The following PPIP5K2 variants were observed in gnomAD, a reference collection of about 807,000 sequenced individuals.
PPIP5K2 encodes the protein inositol hexakisphosphate and diphosphoinositol-pentakisphosphate kinase 2.
A neutral mutation model predicts 154.6 loss-of-function variants in PPIP5K2; 105 were observed. That is an observed-to-expected ratio of 0.68 (90% CI 0.58 to 0.80). The LOEUF (loss-of-function observed/expected upper bound fraction) is 0.80, where lower values mean the gene tolerates loss of function less well. PPIP5K2 is among the 30% of genes least tolerant of loss of function. PPIP5K2 has a pLI of 0.00. For missense variants in PPIP5K2, 992 were observed against 1,504.6 expected (o/e 0.66, Z 5.64); for synonymous variants, 480 against 490.3 (o/e 0.98, Z 0.28).
At chr5:103,174,904 G>T (rs1342822776) in intron 21 of PPIP5K2, among the ~76,000 whole-genome samples, 1 of 151,986 alleles carries the variant, frequency 6.6e-6, no homozygotes, top group Non-Finnish European at 1.5e-5. Flanking sequence ...ACAGTAATTT[G>T]TATTCTTCCC....
intron 17 of PPIP5K2, among the ~76,000 whole-genome samples, chr5:103,163,802 C>A (rs1796721098): frequency 6.6e-6 from 1 of 151,826 alleles, no homozygotes. Flanking sequence ...TCTAGAATAT[C>A]CTCAGCTTTT....
rs782229943 is a variant in PPIP5K2 at position 103,206,070 on chromosome 5, CT to C, written c.*4439del. 2 of 151,986 alleles carry C rather than the reference CT, an allele frequency of 1.3e-5. No homozygotes were observed. The highest frequency in any genetic ancestry group is 4.8e-5 in the African/African-American group (2 of 41,394). 9.4% of individuals were successfully genotyped at this position (151,986 alleles called of 1,614,324 possible). Reference sequence around the variant, plus strand: ...TTTTATTGCTTTAAAATTCTTTTGTCTTTCTGTAACAATACTTTCCACTGCA... The same window carrying C: ...TTTTATTGCTTTAAAATTCTTTTGTCTTCTGTAACAATACTTTCCACTGCA... On this transcript the variant is annotated 3_prime_UTR_variant, in exon 31 of 31. Coordinates refer to ENST00000358359, the MANE Select transcript of PPIP5K2 (RefSeq NM_001276277.3).
At chr5:103,156,049 ACT>A in intron 14 of PPIP5K2, 55 bp downstream of exon 14, 1 of 1,175,110 alleles carries the variant, frequency 8.5e-7, no homozygotes, top group South Asian at 1.3e-5. Context: ...CTTGTTATTC[ACT>A]GTTGATTACC....
chr5:103,184,524 G>T lies in PPIP5K2; in HGVS notation c.3097-148G>T, dbSNP rs1178034927. 5.2e-6 allele frequency: 3 copies of T among 582,002 alleles called. No homozygotes were observed. The African/African-American group carries it at 5.7e-5, about 11-fold the overall frequency. 36.1% of individuals were successfully genotyped at this position (582,002 alleles called of 1,614,324 possible). A position where few individuals can be genotyped will look rare whatever the true frequency, so the allele number is the denominator to read the frequency against. ...TGGACTCCCTTCAAAAGGGGATCTT[G>T]CATGATCTTTCATGTTTTATGTATT... On this transcript the variant is annotated intron_variant, in intron 25 of 30. Transcript: ENST00000358359.
At chr5:103,148,373 C>T (rs1794077930) in intron 7 of PPIP5K2, 1 of 256,026 alleles carries the variant, frequency 3.9e-6, no homozygotes, top group Non-Finnish European at 7.7e-6. Flanking sequence ...GTCTAATAAC[C>T]ACCACAGTTT....
intron 8 of PPIP5K2, among the ~76,000 whole-genome samples, chr5:103,149,991 G>T (rs1414743345): frequency 6.6e-6 from 1 of 151,546 alleles, no homozygotes; most frequent in Admixed American, 6.6e-5. Flanking sequence ...CACTGCACCC[G>T]GCCAAAACCA....
At chr5:103,151,674 A>G (rs1355506923) in intron 9 of PPIP5K2, among the ~76,000 whole-genome samples, 3 of 151,412 alleles carry the variant, frequency 2.0e-5, no homozygotes, top group African/African-American at 4.8e-5. Flanking sequence ...AATTTTTGCC[A>G]TGTAGTTATA....
In PPIP5K2 at chr5:103,120,381, C is replaced by A; in HGVS notation, c.-392C>A. 1 of 456,534 alleles carries A rather than the reference C, an allele frequency of 2.2e-6. No homozygotes were observed. Among genetic ancestry groups the A allele is most frequent in the Non-Finnish European group, 4.4e-6 (1 of 226,822 alleles). The allele number at this position is 456,534 out of a possible 1,614,324, so 28.3% of individuals were successfully genotyped here. A position where few individuals can be genotyped will look rare whatever the true frequency, so the allele number is the denominator to read the frequency against. On this transcript the variant is annotated 5_prime_UTR_variant, in exon 1 of 31. Coordinates refer to ENST00000358359, the MANE Select transcript of PPIP5K2 (RefSeq NM_001276277.3). ...CTACGTCCACGCCTACAACTGAAGT[C>A]TCTTGACAAACACCTCACCCCTGCC...
At chr5:103,153,000 T>C (rs782538478) in intron 10 of PPIP5K2, among the ~76,000 whole-genome samples, 1 of 151,842 alleles carries the variant, frequency 6.6e-6, no homozygotes, top group Non-Finnish European at 1.5e-5. Context: ...AAGGTACCAA[T>C]AGGAATGTTA....
chr5:103,155,494 C>T (rs1795287119), intron 13 of PPIP5K2, among the ~76,000 whole-genome samples: 2 of 120,552 alleles, frequency 1.7e-5, no homozygotes, highest in African/African-American at 6.0e-5. Flanking sequence ...GGTGTGATCT[C>T]AGCTCACTGC....
chr5:103,134,149 T>C (rs1236538560), intron 3 of PPIP5K2, among the ~76,000 whole-genome samples: 1 of 152,146 alleles, frequency 6.6e-6, no homozygotes, highest in Non-Finnish European at 1.5e-5. Flanking sequence ...TAGAACAAGA[T>C]CTATCATTTT....
At chr5:103,178,036 G>A (rs566349369) in intron 23 of PPIP5K2, 56 bp downstream of exon 23, 1 of 1,081,470 alleles carries the variant, frequency 9.2e-7, no homozygotes, top group Non-Finnish European at 1.4e-6. Context: ...TTTTCATGAG[G>A]TTTCTATAAG....
At chr5:103,188,883 CGCACATACAAAT>C (rs1483481815) in intron 28 of PPIP5K2, 2 of 290,170 alleles carry the variant, frequency 6.9e-6, no homozygotes, top group African/African-American at 4.3e-5. Context: ...GTGGGTTTTC[CGCACATACAAAT>C]GCACATAAGG....
intron 3 of PPIP5K2, among the ~76,000 whole-genome samples, chr5:103,135,071 G>A (rs1791246420): frequency 6.6e-6 from 1 of 152,042 alleles, no homozygotes; most frequent in African/African-American, 2.4e-5. Flanking sequence ...GTATTCCATA[G>A]TTGAATACTA....
chr5:103,180,207 A>G lies in PPIP5K2; in HGVS notation c.2922+19A>G, dbSNP rs1240047602. On this transcript the variant is annotated intron_variant, in intron 24 of 30. Coordinates refer to ENST00000358359, the MANE Select transcript of PPIP5K2 (RefSeq NM_001276277.3). ...AAATGATGTAAGTATATGTATCAGA[A>G]CACATTTTTCATACAGTAAACTAAC... 21 of 1,534,528 alleles carry G rather than the reference A, an allele frequency of 1.4e-5. No individual in the cohort carries two copies. Among genetic ancestry groups the G allele is most frequent in the Non-Finnish European group, 1.8e-5 (21 of 1,145,692 alleles).
At position 103,202,804 on chromosome 5, in the gene PPIP5K2, A is replaced by G. The variant is rs782045204; in HGVS notation, c.*1170A>G. 6.6e-6 allele frequency: 1 copy of G among 152,154 alleles called. No homozygotes were observed. Among genetic ancestry groups the G allele is most frequent in the Non-Finnish European group, 1.5e-5 (1 of 67,998 alleles). The allele number at this position is 152,154 out of a possible 1,614,324, so 9.4% of individuals were successfully genotyped here. ...AATGGGACAATCTGATAAGAATTTC[A>G]TGCATTGGTAGTTAAATAACTTAAA... On this transcript the variant is annotated 3_prime_UTR_variant, in exon 31 of 31. Coordinates refer to ENST00000358359, the MANE Select transcript of PPIP5K2 (RefSeq NM_001276277.3).
chr5:103,211,031 G>A lies in PPIP5K2; in HGVS notation c.*9397G>A, dbSNP rs1402616647. Reference sequence around the variant, plus strand: ...GATGGCCGTGAGTGGAAATCTGAGTGTATAGGATGTGTTTCGTGTTCCCAC... The same window carrying A: ...GATGGCCGTGAGTGGAAATCTGAGTATATAGGATGTGTTTCGTGTTCCCAC... On this transcript the variant is annotated 3_prime_UTR_variant, in exon 31 of 31. Coordinates refer to ENST00000358359, the MANE Select transcript of PPIP5K2 (RefSeq NM_001276277.3). 1 of 152,086 alleles carries A rather than the reference G, an allele frequency of 6.6e-6. No homozygotes were observed. Among genetic ancestry groups the A allele is most frequent in the African/African-American group, 2.4e-5 (1 of 41,434 alleles). 9.4% of individuals were successfully genotyped at this position (152,086 alleles called of 1,614,324 possible). A position where few individuals can be genotyped will look rare whatever the true frequency, so the allele number is the denominator to read the frequency against.
intron 1 of PPIP5K2, among the ~76,000 whole-genome samples, chr5:103,124,683 G>A (rs939206539): frequency 6.6e-6 from 1 of 152,114 alleles, no homozygotes; most frequent in Non-Finnish European, 1.5e-5. Flanking sequence ...TCATATTAAG[G>A]CATACCTAGA....
At chr5:103,167,105 T>G in intron 17 of PPIP5K2, 74 bp from the exon 18 acceptor site, 9 of 1,180,634 alleles carry the variant, frequency 7.6e-6, no homozygotes, top group Non-Finnish European at 1.0e-5. Context: ...ACTGGAAAAT[T>G]TTGTATATAT....
Sources: allele counts gnomAD v4.1 joint callset (sites outside exome capture counted in the v4.1 genomes callset), GRCh38; gene constraint gnomAD v4.1.1; transcripts MANE v1.5; gene names NCBI Gene and HGNC (gene_info 2026-07-23, HGNC 2026-07-21).